The following NOL11 variants were observed in gnomAD, a reference collection of about 807,000 sequenced individuals.
NOL11 encodes nucleolar protein 11.
NOL11 carries 42 observed loss-of-function variants against 93.0 expected under a neutral mutation model. That is an observed-to-expected ratio of 0.45 (90% CI 0.35 to 0.58). The LOEUF is 0.58. NOL11 is among the 20% of genes least tolerant of loss of function. The pLI, the probability that NOL11 is intolerant of heterozygous loss-of-function variation, is 0.00. For synonymous variants in NOL11, 296 were observed against 293.7 expected, an observed-to-expected ratio of 1.01 and a Z score of -0.08; for missense variants, 775 against 841.8, an observed-to-expected ratio of 0.92 and a Z score of 0.98.
rs762171664 is a variant in NOL11 at position 67,719,701 on chromosome 17, T to C, written c.169T>C (p.Trp57Arg). Residue 57 changes from tryptophan (W) to arginine (R), a missense_variant, in exon 2 of 18, where the codon TGG (tryptophan) becomes CGG (arginine). This residue lies in a region of NOL11 where 359 missense variants were observed against 316.5 expected (regional missense o/e 1.13). Transcript: ENST00000253247. ...KVSDQKPLGS[W>R]SVKQGQIITC... Reference sequence around the variant, plus strand: ...TTCTGATCAGAAACCCTTGGGGAGCTGGTCAGTGAAACAAGGTCAAATTAT... The same window carrying C: ...TTCTGATCAGAAACCCTTGGGGAGCCGGTCAGTGAAACAAGGTCAAATTAT... The C allele has an allele frequency of 2.5e-6, 4 of 1,606,396 alleles. No individual in the cohort carries two copies. The African/African-American group carries it at 5.3e-5, about 21-fold the overall frequency.
intron 9 of NOL11, among the ~76,000 whole-genome samples, chr17:67,736,282 A>C (rs1256989284): frequency 6.6e-6 from 1 of 151,316 alleles, no homozygotes; most frequent in Non-Finnish European, 1.5e-5. Context: ...CCTGTACTCC[A>C]CAGAAAATGG....
At chr17:67,734,304 C>A in intron 7 of NOL11, 59 bp from the exon 8 acceptor site, 1 of 967,990 alleles carries the variant, frequency 1.0e-6, no homozygotes, top group South Asian at 1.4e-5. Context: ...CCCCCCTTCC[C>A]CAAAATATCA....
At chr17:67,722,731 C>T (rs2043227898) in intron 5 of NOL11, 94 bp downstream of exon 5, 1 of 1,419,856 alleles carries the variant, frequency 7.0e-7, no homozygotes, top group African/African-American at 1.5e-5. Context: ...GTCACCCAGG[C>T]TTGAGAGCAG....
intron 7 of NOL11, among the ~76,000 whole-genome samples, chr17:67,733,494 C>G (rs188533784): frequency 1.3e-4 from 20 of 152,256 alleles, no homozygotes; most frequent in Admixed American, 1.0e-3. Flanking sequence ...AGTCTTTAAC[C>G]TCTCAGTGTG....
At chr17:67,736,572 A>G in intron 9 of NOL11, 94 bp from the exon 10 acceptor site, 1 of 732,816 alleles carries the variant, frequency 1.4e-6, no homozygotes, top group East Asian at 2.7e-5. Flanking sequence ...CTTAAATTGT[A>G]TGAGTGGTTT....
chr17:67,721,623 A>G, intron 4 of NOL11, 97 bp downstream of exon 4: 1 of 972,330 alleles, frequency 1.0e-6, no homozygotes, highest in South Asian at 1.6e-5. Context: ...AACATAATGA[A>G]AGTAACCTAA....
chr17:67,736,735 C>T lies in NOL11; in HGVS notation c.1124C>T (p.Ser375Leu), dbSNP rs192561539. The T allele has an allele frequency of 1.3e-4, 202 of 1,612,016 alleles. 3 individuals carry two copies. In the East Asian group the frequency reaches 3.5e-3, roughly 28 times the overall value. The change falls in exon 10 of 18, where the codon TCA becomes TTA. Residue 375 changes from serine (S) to leucine (L), a missense_variant. Coordinates refer to ENST00000253247, the MANE Select transcript of NOL11 (RefSeq NM_015462.5). ...GGATGTGGACTTGGGTTCCAGAACT[C>T]AGAGCAGTCAAGAAGAATTGTAAGT... ...PQGCGLGFQN[S>L]EQSRRILRRR... is the part of the protein sequence containing the mutation.
intron 7 of NOL11, among the ~76,000 whole-genome samples, chr17:67,730,882 A>C (rs1177348191): frequency 1.3e-5 from 2 of 152,172 alleles, no homozygotes; most frequent in Non-Finnish European, 2.9e-5. Context: ...TTACATTCCC[A>C]CCGGCATTGT....
rs113088609 is a variant in NOL11 at position 67,740,247 on chromosome 17, G to A, written c.1935+639G>A. On this transcript the variant is annotated intron_variant, in intron 16 of 17. Transcript: ENST00000253247. ...AAACTCTGTCCCAAAAAAAAAAAGC[G>A]GGGGGAATAAGAGAATACAGATTAG... Among the ~76,000 whole-genome samples the A allele has an allele frequency of 5.0e-3, 760 of 151,220 alleles. 3 individuals carry two copies. The highest frequency in any genetic ancestry group is 0.018 in the African/African-American group (732 of 41,268).
intron 8 of NOL11, 130 bp from the exon 9 acceptor site, chr17:67,735,767 ATTC>A (rs1213867716): frequency 1.8e-5 from 9 of 495,232 alleles, no homozygotes; most frequent in Middle Eastern, 5.3e-4. Flanking sequence ...TGCATATAAA[ATTC>A]TTCTTGAAAG....
rs764374866 is a variant in NOL11 at position 67,726,539 on chromosome 17, A to G, written c.744A>G (p.Ser248=). Residue 248 remains serine, a synonymous_variant, in exon 7 of 18, where the codon TCA becomes TCG. Coordinates refer to ENST00000253247, the MANE Select transcript of NOL11 (RefSeq NM_015462.5). ...AAAAAAATCAGAGCTTAGTTAAATC[A>G]CTGCTGCTCAAGGCTGTTGTATCTG... The part of the protein sequence containing the change: ...DPEKNQSLVK[S]LLLKAVVSGN... The G allele has an allele frequency of 1.1e-5, 18 of 1,614,068 alleles. No individual in the cohort carries two copies. In the East Asian group the frequency reaches 3.8e-4, roughly 34 times the overall value.
In NOL11 at chr17:67,734,359, A is replaced by G. The variant is rs1485768021; in HGVS notation, c.854-4A>G. On this transcript the variant is annotated splice_polypyrimidine_tract_variant and splice_region_variant and intron_variant, in intron 7 of 17. Transcript: ENST00000253247. ...TTTTTCTGAATTTATGTCTTATTTT[A>G]TAGAATGCCTCTCTGTATGGAACAT... The G allele has an allele frequency of 6.4e-7, 1 of 1,554,650 alleles. No individual in the cohort carries two copies. Among genetic ancestry groups the G allele is most frequent in the South Asian group, 1.1e-5 (1 of 88,766 alleles).
chr17:67,718,866 T>C (rs1462964200), intron 1 of NOL11, among the ~76,000 whole-genome samples: 1 of 152,218 alleles, frequency 6.6e-6, no homozygotes, highest in Non-Finnish European at 1.5e-5. Flanking sequence ...GGGTTTCACT[T>C]GGGATGTCAA....
chr17:67,722,096 A>G (rs1393245031), intron 4 of NOL11, among the ~76,000 whole-genome samples: 1 of 152,244 alleles, frequency 6.6e-6, no homozygotes, highest in Non-Finnish European at 1.5e-5. Context: ...CCAGTTATAT[A>G]TTAGACTGAC....
rs1227039533 is a variant in NOL11 at position 67,743,587 on chromosome 17, G to A, written c.2043+1G>A. On this transcript the variant is annotated splice_donor_variant, in intron 17 of 17. Transcript: ENST00000253247. LOFTEE classifies it high-confidence loss of function. ...TCTTTACAAGCTTGTAAAATCTCAG[G>A]TTTGTGATTATTTGATATATACTGA... 1 of 1,554,160 alleles carries A rather than the reference G, an allele frequency of 6.4e-7. No individual in the cohort carries two copies. The highest frequency in any genetic ancestry group is 1.4e-5 in the African/African-American group (1 of 73,466).
At chr17:67,725,047 G>A (rs2143092933) in intron 6 of NOL11, among the ~76,000 whole-genome samples, 1 of 152,252 alleles carries the variant, frequency 6.6e-6, no homozygotes, top group East Asian at 1.9e-4. Context: ...GACAGAGCGA[G>A]ACTCGAGACT....
Position 67,737,110 on chromosome 17 carries a change from G to T in NOL11, c.1183G>T (p.Val395Phe), listed in dbSNP as rs1372987270. 2.5e-6 allele frequency: 4 copies of T among 1,611,522 alleles called. No homozygotes were observed. The highest frequency in any genetic ancestry group is 2.5e-6 in the Non-Finnish European group (3 of 1,177,972). The change falls in exon 11 of 18, where the codon GTT (valine) becomes TTT (phenylalanine). Residue 395 changes from valine (V) to phenylalanine (F), a missense_variant. Physicochemically the swap from Val to Phe is conservative, Grantham distance 50. Transcript: ENST00000253247. ...AATTGAAGTGAGTTTACAGCCAGAG[G>T]TTCCACCATCCAAACAACTTTTGTC... ...RKIEVSLQPE[V>F]PPSKQLLSTI...
intron 1 of NOL11, among the ~76,000 whole-genome samples, chr17:67,718,491 G>T (rs1419929378): frequency 6.6e-6 from 1 of 152,060 alleles, no homozygotes; most frequent in South Asian, 2.1e-4. Flanking sequence ...TGGTTTAGCC[G>T]TGTCTACACT....
At chr17:67,737,308 T>C (rs1373189189) in intron 11 of NOL11, among the ~76,000 whole-genome samples, 163 bp downstream of exon 11, 2 of 152,376 alleles carry the variant, frequency 1.3e-5, no homozygotes, top group East Asian at 3.9e-4. Context: ...TTGGCTTCTT[T>C]GATGCTCGCT....
Sources: gnomAD v4.1 joint callset for allele counts (sites outside exome capture counted in the v4.1 genomes callset) on GRCh38, gnomAD v4.1.1 for gene constraint, gnomAD v4.1.1 regional missense constraint, MANE v1.5 for transcripts, NCBI Gene and HGNC (gene_info 2026-07-23, HGNC 2026-07-21) for gene names.